The following SLIT3 variants were observed in gnomAD, a reference collection of about 807,000 sequenced individuals.
SLIT3 encodes slit guidance ligand 3.
Under a neutral mutation model 184.0 loss-of-function variants are expected in SLIT3, and 68 were observed. The ratio of observed to expected loss-of-function variants is 0.37; its 90% CI spans 0.30 to 0.45. The LOEUF (loss-of-function observed/expected upper bound fraction) is 0.45. Among genes scored for constraint, SLIT3 ranks in the 20% least tolerant of loss-of-function variants. The probability of loss-of-function intolerance (pLI) is 1.00; values close to 1 mark genes in which losing one functional copy is unlikely to be tolerated. For missense variants in SLIT3, 1,707 were observed against 2,026.0 expected (o/e 0.84, Z 3.02); for synonymous variants, 831 against 828.6 (o/e 1.00, Z -0.05).
intron 20 of SLIT3, among the ~76,000 whole-genome samples, chr5:168,746,761 T>TGTGG (rs1561907690): frequency 3.8e-5 from 1 of 26,570 alleles, no homozygotes; most frequent in Non-Finnish European, 6.9e-5. Context: ...GGTGTGGCGG[T>TGTGG]GTGTGGTGGT....
chr5:169,183,699 C>T (rs1763242774), intron 4 of SLIT3, among the ~76,000 whole-genome samples: 2 of 152,178 alleles, frequency 1.3e-5, no homozygotes, highest in African/African-American at 4.8e-5. Context: ...ATCACTTAAG[C>T]CACCCTTCCA....
chr5:168,692,786 T>G, intron 28 of SLIT3, 86 bp from the exon 29 acceptor site: 5 of 926,186 alleles, frequency 5.4e-6, no homozygotes, highest in Non-Finnish European at 8.6e-6. Flanking sequence ...GGGGATATCC[T>G]GGCCAGAAGA....
intron 4 of SLIT3, among the ~76,000 whole-genome samples, chr5:168,990,508 A>G (rs1423639412): frequency 6.6e-6 from 1 of 152,194 alleles, no homozygotes; most frequent in Admixed American, 6.5e-5. Flanking sequence ...ACTTGATGAG[A>G]ATAAAAAAAT....
intron 4 of SLIT3, among the ~76,000 whole-genome samples, chr5:169,066,973 A>G (rs1220944709): frequency 6.6e-6 from 1 of 151,278 alleles, no homozygotes; most frequent in Non-Finnish European, 1.5e-5. Context: ...GACAAGACAT[A>G]CATGCCTAAA....
At chr5:168,990,736 G>C (rs1755289392) in intron 4 of SLIT3, among the ~76,000 whole-genome samples, 1 of 152,296 alleles carries the variant, frequency 6.6e-6, no homozygotes, top group East Asian at 1.9e-4. Context: ...ACCTCAGGCA[G>C]GTCCTGTCCC....
At chr5:169,266,211 A>C (rs1766391803) in intron 1 of SLIT3, among the ~76,000 whole-genome samples, 1 of 152,210 alleles carries the variant, frequency 6.6e-6, no homozygotes, top group Non-Finnish European at 1.5e-5. Flanking sequence ...TGGCTCCTCC[A>C]ATCACCGGGA....
intron 4 of SLIT3, among the ~76,000 whole-genome samples, chr5:168,897,181 TAAG>T (rs1227041400): frequency 6.6e-6 from 1 of 152,012 alleles, no homozygotes; most frequent in South Asian, 2.1e-4. Flanking sequence ...ACTAAGAAAA[TAAG>T]AAGACAGTCC....
chr5:169,259,701 G>A (rs1175352132), intron 1 of SLIT3, among the ~76,000 whole-genome samples: 1 of 152,186 alleles, frequency 6.6e-6, no homozygotes, highest in African/African-American at 2.4e-5. Context: ...TGGGCATGAT[G>A]TCTAGGAGAT....
At chr5:169,197,869 T>G (rs891388375) in intron 3 of SLIT3, among the ~76,000 whole-genome samples, 20 of 152,162 alleles carry the variant, frequency 1.3e-4, no homozygotes, top group African/African-American at 4.8e-4. Flanking sequence ...TCAGCCTGAA[T>G]TGAGAAGCAC....
At chr5:169,182,717 G>A (rs892402680) in intron 4 of SLIT3, among the ~76,000 whole-genome samples, 1 of 152,166 alleles carries the variant, frequency 6.6e-6, no homozygotes, top group African/African-American at 2.4e-5. Flanking sequence ...ATGTGTGTTT[G>A]GGTTCTGCTC....
intron 3 of SLIT3, among the ~76,000 whole-genome samples, chr5:169,243,045 T>G (rs1416146281): frequency 1.3e-5 from 2 of 152,122 alleles, no homozygotes; most frequent in African/African-American, 4.8e-5. Flanking sequence ...GACCATTCTT[T>G]GACTCAGTCT....
At chr5:169,104,245 G>A (rs764701029) in intron 4 of SLIT3, among the ~76,000 whole-genome samples, 11 of 152,138 alleles carry the variant, frequency 7.2e-5, no homozygotes, top group Admixed American at 3.9e-4. Context: ...GCCAGCATCC[G>A]TGGAATCACC....
intron 12 of SLIT3, among the ~76,000 whole-genome samples, chr5:168,776,898 G>A (rs967034794): frequency 1.3e-5 from 2 of 152,060 alleles, no homozygotes; most frequent in Non-Finnish European, 2.9e-5. Flanking sequence ...AGGGCCTTCT[G>A]AGTACATCAT....
chr5:169,254,412 G>A (rs1329617757), intron 1 of SLIT3, among the ~76,000 whole-genome samples: 1 of 152,190 alleles, frequency 6.6e-6, no homozygotes, highest in Non-Finnish European at 1.5e-5. Context: ...CTGGATGGGG[G>A]CCAAGGACAG....
chr5:168,899,953 A>T (rs933438669), intron 4 of SLIT3, among the ~76,000 whole-genome samples: 3 of 152,090 alleles, frequency 2.0e-5, no homozygotes, highest in African/African-American at 7.2e-5. Context: ...GGCTCCACAC[A>T]GAGGCCCCGG....
chr5:168,721,965 C>T (rs886998147), intron 23 of SLIT3, among the ~76,000 whole-genome samples: 1 of 152,166 alleles, frequency 6.6e-6, no homozygotes, highest in Non-Finnish European at 1.5e-5. Flanking sequence ...ATATCCTAAT[C>T]CTCACAAAGG....
intron 3 of SLIT3, among the ~76,000 whole-genome samples, chr5:169,230,295 A>T (rs1254897876): frequency 3.3e-5 from 5 of 151,186 alleles, no homozygotes; most frequent in African/African-American, 1.2e-4. Context: ...ATTTATCCAG[A>T]TTCAAATCCA....
At chr5:169,093,259 G>A (rs541385750) in intron 4 of SLIT3, among the ~76,000 whole-genome samples, 29 of 152,082 alleles carry the variant, frequency 1.9e-4, no homozygotes, top group African/African-American at 5.8e-4. Flanking sequence ...CCTGGTTTCC[G>A]GCTTCTCCAG....
At chr5:168,682,912 G>A (rs1180629925) in intron 32 of SLIT3, among the ~76,000 whole-genome samples, 27 of 151,662 alleles carry the variant, frequency 1.8e-4, no homozygotes, top group Non-Finnish European at 1.5e-5. Context: ...TTAACTTTTA[G>A]TAGTCATTTT....
Sources: gnomAD v4.1 joint callset for allele counts (sites outside exome capture counted in the v4.1 genomes callset) on GRCh38, gnomAD v4.1.1 for gene constraint, MANE v1.5 for transcripts, NCBI Gene and HGNC (gene_info 2026-07-23, HGNC 2026-07-21) for gene names.